The following PARD3 variants were observed in gnomAD, a reference collection of about 807,000 sequenced individuals.
The protein encoded by PARD3 is partitioning defective 3 homolog.
PARD3 carries 75 observed loss-of-function variants against 155.4 expected under a neutral mutation model. The observed-to-expected ratio is 0.48, with a 90% CI of 0.40 to 0.58. The LOEUF is 0.58. PARD3 is among the 20% of genes least tolerant of loss of function. The pLI, the probability that PARD3 is intolerant of heterozygous loss-of-function variation, is 0.00. For synonymous variants in PARD3, 576 were observed against 610.5 expected (o/e 0.94, Z 0.83); for missense variants, 1,642 against 1,721.7 (o/e 0.95, Z 0.82).
intron 7 of PARD3, among the ~76,000 whole-genome samples, chr10:34,397,963 G>C (rs1406677533): frequency 1.3e-5 from 2 of 152,070 alleles, no homozygotes; most frequent in Non-Finnish European, 2.9e-5. Context: ...TAAAGGCAAG[G>C]CCATGTTGAA....
At chr10:34,757,734 T>C (rs937675310) in intron 1 of PARD3, among the ~76,000 whole-genome samples, 7 of 151,712 alleles carry the variant, frequency 4.6e-5, no homozygotes, top group African/African-American at 1.7e-4. Context: ...AGAAAATACA[T>C]CCTGAAAACC....
At chr10:34,231,266 CAAAAAAAAA>C (rs57175956) in intron 22 of PARD3, among the ~76,000 whole-genome samples, 8 of 81,848 alleles carry the variant, frequency 9.8e-5, no homozygotes, top group Admixed American at 1.6e-4. Context: ...TAATCTTAGG[CAAAAAAAAA>C]AAAAAAAAAA....
At chr10:34,257,285 T>A (rs1426668505) in intron 22 of PARD3, among the ~76,000 whole-genome samples, 3 of 152,244 alleles carry the variant, frequency 2.0e-5, no homozygotes, top group African/African-American at 7.2e-5. Context: ...AATAGTTGAT[T>A]GATATTCCAT....
intron 22 of PARD3, among the ~76,000 whole-genome samples, chr10:34,218,358 A>C (rs1180934403): frequency 2.0e-5 from 3 of 152,178 alleles, no homozygotes; most frequent in East Asian, 1.9e-4. Context: ...AAAATCTCAT[A>C]ATCAACTTCT....
intron 20 of PARD3, among the ~76,000 whole-genome samples, chr10:34,301,338 A>C (rs756668563): frequency 9.2e-5 from 14 of 152,206 alleles, no homozygotes; most frequent in Non-Finnish European, 1.8e-4. Flanking sequence ...AATGTTGACC[A>C]CATCATTCTA....
At chr10:34,670,217 C>T (rs967199389) in intron 2 of PARD3, among the ~76,000 whole-genome samples, 5 of 152,382 alleles carry the variant, frequency 3.3e-5, no homozygotes, top group African/African-American at 1.2e-4. Flanking sequence ...CTCTGTGCAG[C>T]TGCAGGTGCT....
chr10:34,372,967 A>G (rs1840841945), intron 11 of PARD3, among the ~76,000 whole-genome samples: 1 of 152,108 alleles, frequency 6.6e-6, no homozygotes, highest in South Asian at 2.1e-4. Flanking sequence ...ATACTTTAAA[A>G]TGTTGCACAG....
chr10:34,632,701 ATT>A (rs2092318939), intron 2 of PARD3, among the ~76,000 whole-genome samples: 1 of 152,240 alleles, frequency 6.6e-6, no homozygotes, highest in South Asian at 2.1e-4. Flanking sequence ...TCAAAAGCTT[ATT>A]ATACTGATTA....
chr10:34,112,277 T>C (rs1946425171), intron 24 of PARD3, among the ~76,000 whole-genome samples: 1 of 152,234 alleles, frequency 6.6e-6, no homozygotes, highest in Non-Finnish European at 1.5e-5. Context: ...GGTGACCTAC[T>C]TAACTTGCTT....
At position 34,359,269 on chromosome 10, in the gene PARD3, A is replaced by T; in HGVS notation, c.1945T>A (p.Ser649Thr). The change falls in exon 14 of 25, where the codon TCC becomes ACC. Residue 649 changes from serine (S) to threonine (T), a missense_variant. Transcript: ENST00000374788. ...NDQLIAVNGESLLGKTNQDAM... is the reference protein window; with the variant it reads ...NDQLIAVNGETLLGKTNQDAM... ...TCTTGGTTTGTCTTGCCCAACAGGG[A>T]TTCTCCATTTACTGCTATCAGTTGA... 2 of 1,613,960 alleles carry T rather than the reference A, an allele frequency of 1.2e-6. No individual in the cohort carries two copies. Among genetic ancestry groups the T allele is most frequent in the Non-Finnish European group, 1.7e-6 (2 of 1,179,904 alleles).
intron 23 of PARD3, among the ~76,000 whole-genome samples, chr10:34,125,916 A>G (rs1388848736): frequency 1.3e-5 from 2 of 152,230 alleles, no homozygotes; most frequent in Non-Finnish European, 2.9e-5. Context: ...GGCAACACTC[A>G]GGTATCTGCA....
chr10:34,219,964 G>A (rs944432785), intron 22 of PARD3, among the ~76,000 whole-genome samples: 3 of 152,110 alleles, frequency 2.0e-5, no homozygotes, highest in Non-Finnish European at 4.4e-5. Context: ...TTTGTTTTAC[G>A]AACGCATCAG....
At chr10:34,291,169 T>G (rs1313236767) in intron 20 of PARD3, among the ~76,000 whole-genome samples, 2 of 152,214 alleles carry the variant, frequency 1.3e-5, no homozygotes, top group Non-Finnish European at 2.9e-5. Flanking sequence ...TGCTATAGAT[T>G]TTATTCAAAG....
chr10:34,728,764 G>A (rs1427027882), intron 1 of PARD3, among the ~76,000 whole-genome samples: 5 of 152,158 alleles, frequency 3.3e-5, no homozygotes, highest in South Asian at 2.1e-4. Context: ...AAATTTTCAG[G>A]AGGTACATTA....
chr10:34,814,809 G>A (rs1252798643), intron 1 of PARD3, 67 bp downstream of exon 1: 5 of 1,269,878 alleles, frequency 3.9e-6, no homozygotes, highest in East Asian at 3.0e-5. Context: ...CTTCCAGGAA[G>A]CGCCATATTG....
At chr10:34,713,465 AAGAACAACC>A (rs1024285700) in intron 1 of PARD3, among the ~76,000 whole-genome samples, 1 of 152,090 alleles carries the variant, frequency 6.6e-6, no homozygotes, top group African/African-American at 2.4e-5. Flanking sequence ...AAGCTGTAGA[AAGAACAACC>A]AGGCCAGGTG....
intron 22 of PARD3, among the ~76,000 whole-genome samples, chr10:34,237,071 T>C (rs17462455): frequency 0.06 from 9,199 of 152,246 alleles, 406 homozygotes; most frequent in Non-Finnish European, 0.086. Context: ...CAAAACCTAT[T>C]ACAGCCCTCG....
chr10:34,344,434 C>T, intron 15 of PARD3: 1 of 518,814 alleles, frequency 1.9e-6, no homozygotes, highest in Non-Finnish European at 2.5e-6. Context: ...GGGTGTGCAA[C>T]ACAACATCCG....
At chr10:34,530,324 G>A (rs1274604200) in intron 2 of PARD3, among the ~76,000 whole-genome samples, 1 of 152,024 alleles carries the variant, frequency 6.6e-6, no homozygotes, top group Non-Finnish European at 1.5e-5. Context: ...ACATATCACA[G>A]AAGGGTCCAT....
Sources: gnomAD v4.1 joint callset for allele counts (sites outside exome capture counted in the v4.1 genomes callset) on GRCh38, gnomAD v4.1.1 for gene constraint, MANE v1.5 for transcripts, NCBI Gene and HGNC (gene_info 2026-07-23, HGNC 2026-07-21) for gene names.